MCTP1: variants seen among roughly 807,000 people sequenced by gnomAD.
MCTP1 encodes the protein multiple C2 and transmembrane domain-containing protein 1.
A neutral mutation model predicts 120.6 loss-of-function variants in MCTP1; 69 were observed. That is an observed-to-expected ratio of 0.57 (90% CI 0.47 to 0.70). MCTP1 has a LOEUF of 0.70. Ranked by LOEUF, MCTP1 falls within the 30% of genes least tolerant of loss-of-function variation. The probability of loss-of-function intolerance (pLI) is 0.00; values close to 1 mark genes in which losing one functional copy is unlikely to be tolerated. For synonymous variants in MCTP1, 529 were observed against 493.1 expected, an observed-to-expected ratio of 1.07 and a Z score of -0.96; for missense variants, 1,203 against 1,248.8, an observed-to-expected ratio of 0.96 and a Z score of 0.55.
intron 1 of MCTP1, among the ~76,000 whole-genome samples, chr5:95,073,647 A>G (rs1355507219): frequency 6.6e-6 from 1 of 152,202 alleles, no homozygotes; most frequent in East Asian, 1.9e-4. Flanking sequence ...ATATGCTACA[A>G]AAAGGTAAAG....
intron 1 of MCTP1, among the ~76,000 whole-genome samples, chr5:95,064,068 A>G (rs1233859371): frequency 6.6e-6 from 1 of 152,256 alleles, no homozygotes; most frequent in Non-Finnish European, 1.5e-5. Context: ...AATAGTTCAT[A>G]TCCAAACTAT....
At chr5:95,255,716 C>T (rs887915422) in intron 1 of MCTP1, among the ~76,000 whole-genome samples, 7 of 152,108 alleles carry the variant, frequency 4.6e-5, no homozygotes, top group Admixed American at 4.6e-4. Context: ...ATATAGAGAA[C>T]AAAAGTCAGA....
At chr5:94,903,358 T>C (rs948376023) in intron 10 of MCTP1, among the ~76,000 whole-genome samples, 1 of 152,180 alleles carries the variant, frequency 6.6e-6, no homozygotes, top group African/African-American at 2.4e-5. Flanking sequence ...TGCTCAAATG[T>C]ATTGACTTTC....
intron 1 of MCTP1, among the ~76,000 whole-genome samples, chr5:95,041,711 T>A (rs1842390715): frequency 6.6e-6 from 1 of 152,166 alleles, no homozygotes; most frequent in Admixed American, 6.5e-5. Context: ...TAGAATATAG[T>A]CATACATACT....
chr5:95,250,228 T>A (rs901204489), intron 1 of MCTP1, among the ~76,000 whole-genome samples: 1 of 152,154 alleles, frequency 6.6e-6, no homozygotes, highest in Non-Finnish European at 1.5e-5. Context: ...TTACGAAATG[T>A]TGAGTTCCCT....
intron 1 of MCTP1, among the ~76,000 whole-genome samples, chr5:95,220,746 C>A (rs906729420): frequency 1.8e-4 from 28 of 152,296 alleles, no homozygotes; most frequent in African/African-American, 6.7e-4. Context: ...ATAAGTCATG[C>A]TAATGTTGAA....
At chr5:94,719,669 G>A (rs1288341955) in intron 19 of MCTP1, among the ~76,000 whole-genome samples, 1 of 152,186 alleles carries the variant, frequency 6.6e-6, no homozygotes, top group Non-Finnish European at 1.5e-5. Flanking sequence ...TGCAGGTGGT[G>A]TGCGGGGAGC....
chr5:94,707,676 T>C, intron 22 of MCTP1, 109 bp from the exon 23 acceptor site: 1 of 770,976 alleles, frequency 1.3e-6, no homozygotes, highest in South Asian at 1.5e-5. Flanking sequence ...GTGCTCACTC[T>C]AGAAGCTGTA....
intron 3 of MCTP1, among the ~76,000 whole-genome samples, chr5:94,947,554 A>AT (rs1329177377): frequency 1.4e-4 from 5 of 36,064 alleles, no homozygotes; most frequent in African/African-American, 5.7e-4. Flanking sequence ...TTAGTTTACT[A>AT]AATATATATA....
Position 95,238,672 on chromosome 5 carries a change from G to A in MCTP1, c.720+45184C>T, listed in dbSNP as rs1582627550. On this transcript the variant is annotated intron_variant, in intron 1 of 22. Transcript: ENST00000515393. ...AACCGAACATGCAGCAGGAATCCTG[G>A]AACAATGCATGATCACTAGTCGCCT... Among the ~76,000 whole-genome samples, 4 of 152,210 alleles carry A rather than the reference G, an allele frequency of 2.6e-5. No individual in the cohort carries two copies. The South Asian group carries it at 8.3e-4, about 32-fold the overall frequency.
At chr5:94,732,172 G>A (rs976959621) in intron 19 of MCTP1, among the ~76,000 whole-genome samples, 2 of 152,256 alleles carry the variant, frequency 1.3e-5, no homozygotes, top group African/African-American at 4.8e-5. Context: ...AGTGTTAACA[G>A]TGCAGATTGC....
At chr5:94,952,577 T>C (rs1451119578) in intron 3 of MCTP1, among the ~76,000 whole-genome samples, 2 of 152,100 alleles carry the variant, frequency 1.3e-5, no homozygotes, top group Non-Finnish European at 2.9e-5. Context: ...AGTCAGAGCC[T>C]AGGAGCAAAA....
At chr5:95,009,319 A>G (rs1021018896) in intron 2 of MCTP1, among the ~76,000 whole-genome samples, 2 of 152,132 alleles carry the variant, frequency 1.3e-5, no homozygotes, top group Non-Finnish European at 1.5e-5. Flanking sequence ...ATTGCTCTTA[A>G]ATTTTTTAAC....
At chr5:95,262,384 C>T (rs1352893650) in intron 1 of MCTP1, among the ~76,000 whole-genome samples, 3 of 152,142 alleles carry the variant, frequency 2.0e-5, no homozygotes, top group African/African-American at 7.2e-5. Context: ...AAGGTAAACA[C>T]TCTGTAAACA....
intron 17 of MCTP1, among the ~76,000 whole-genome samples, chr5:94,836,192 A>T (rs1789731291): frequency 1.3e-5 from 2 of 151,074 alleles, no homozygotes; most frequent in African/African-American, 4.8e-5. Context: ...AAAAAAAAAA[A>T]AAAAAAAAAA....
rs1333816830 is a variant in MCTP1, at chr5:94,988,573, G to A, written c.838+28794C>T. Among the ~76,000 whole-genome samples, 7 of 149,972 alleles carry A rather than the reference G, an allele frequency of 4.7e-5. 1 individual carries two copies. Among genetic ancestry groups the A allele is most frequent in the Non-Finnish European group, 4.4e-5 (3 of 67,752 alleles). ...GGAAGTAGGTTTTCGAAAACAACTT[G>A]GCATTTAATAATTCCCTGTGTGTGT... On this transcript the variant is annotated intron_variant, in intron 2 of 22. Transcript: ENST00000515393.
chr5:94,995,976 T>A (rs1370621662), intron 2 of MCTP1, among the ~76,000 whole-genome samples: 1 of 152,162 alleles, frequency 6.6e-6, no homozygotes, highest in Non-Finnish European at 1.5e-5. Context: ...ACTTGGCAAA[T>A]AAATGTTAAA....
intron 1 of MCTP1, among the ~76,000 whole-genome samples, chr5:95,151,979 GA>G (rs1760934245): frequency 6.6e-6 from 1 of 152,178 alleles, no homozygotes; most frequent in Non-Finnish European, 1.5e-5. Context: ...CTTTACTGAT[GA>G]ATATTCCAGG....
intron 1 of MCTP1, among the ~76,000 whole-genome samples, chr5:95,062,146 G>A (rs940486842): frequency 6.6e-6 from 1 of 152,156 alleles, no homozygotes; most frequent in Non-Finnish European, 1.5e-5. Context: ...CAATGAATGG[G>A]ATTTGGTCAT....
Sources: gnomAD v4.1 joint callset for allele counts (sites outside exome capture counted in the v4.1 genomes callset) on GRCh38, gnomAD v4.1.1 for gene constraint, MANE v1.5 for transcripts, NCBI Gene and HGNC (gene_info 2026-07-23, HGNC 2026-07-21) for gene names.